The following ASCC3 variants were observed in gnomAD, a reference collection of about 807,000 sequenced individuals.
The protein encoded by ASCC3 is ASC-1 complex subunit P200.
Under a neutral mutation model 256.3 loss-of-function variants are expected in ASCC3, and 158 were observed. The ratio of observed to expected loss-of-function variants is 0.62; its 90% CI spans 0.54 to 0.70. The LOEUF (loss-of-function observed/expected upper bound fraction) is 0.70, where lower values mean the gene tolerates loss of function less well. Ranked by LOEUF, ASCC3 falls within the 30% of genes least tolerant of loss-of-function variation. The pLI is 0.00. For missense variants in ASCC3, 2,259 were observed against 2,626.0 expected, an observed-to-expected ratio of 0.86 and a Z score of 3.05; for synonymous variants, 948 against 883.4, an observed-to-expected ratio of 1.07 and a Z score of -1.30.
At position 100,835,517 on chromosome 6, in the gene ASCC3, T is replaced by C. The variant is rs1002987487; in HGVS notation, c.801+12631A>G. Among the ~76,000 whole-genome samples the C allele has an allele frequency of 2.0e-5, 3 of 152,306 alleles. 1 individual carries two copies. The highest frequency in any genetic ancestry group is 6.8e-3 in the Middle Eastern group (2 of 294). ...TATCCAGCTTTTCCAGCTCCATTTATTGAAGACACTGTCCTTTATCCATTG... is the reference window on the plus strand; with the variant it reads ...TATCCAGCTTTTCCAGCTCCATTTACTGAAGACACTGTCCTTTATCCATTG... On this transcript the variant is annotated intron_variant, in intron 4 of 41. Transcript: ENST00000369162.
intron 8 of ASCC3, among the ~76,000 whole-genome samples, chr6:100,781,002 G>A (rs1179608704): frequency 2.0e-5 from 3 of 152,144 alleles, no homozygotes; most frequent in Admixed American, 6.5e-5. Flanking sequence ...TTTAAAATAT[G>A]ACTACTATGA....
In ASCC3 at chr6:100,627,883, C is replaced by A; in HGVS notation, c.4480G>T (p.Ala1494Ser). ...CAATCAGCAAGGTCTCTGGCATTAG[C>A]TAATGCAGTAGATAGTCCAACTATT... ...VRIVGLSTAL[A>S]NARDLADWLN... Residue 1494 changes from alanine to serine, a missense_variant, in exon 28 of 42, where the codon GCT becomes TCT. Physicochemically the swap from Ala to Ser is moderately conservative, Grantham distance 99 (BLOSUM62 1). This residue lies in a region of ASCC3 where 1,839 missense variants were observed against 2,206.7 expected (regional missense o/e 0.83). Coordinates refer to ENST00000369162, the MANE Select transcript of ASCC3 (RefSeq NM_006828.4). The A allele has an allele frequency of 1.2e-6, 2 of 1,613,648 alleles. No individual in the cohort carries two copies. Among genetic ancestry groups the A allele is most frequent in the South Asian group, 1.1e-5 (1 of 91,068 alleles).
At position 100,525,528 on chromosome 6, in the gene ASCC3, C is replaced by T. The variant is rs577198937; in HGVS notation, c.5776-7386G>A. Among the ~76,000 whole-genome samples the T allele has an allele frequency of 9.2e-5, 14 of 152,030 alleles. No individual in the cohort carries two copies. In the South Asian group the frequency reaches 2.7e-3, roughly 29 times the overall value. ...GAAAACGGCATTAGGGATCATCACA[C>T]ATTGTATACCTGTATCAAAATGTTA... On this transcript the variant is annotated intron_variant, in intron 37 of 41. Transcript: ENST00000369162.
At chr6:100,790,381 T>C (rs1769295703) in intron 8 of ASCC3, among the ~76,000 whole-genome samples, 1 of 151,952 alleles carries the variant, frequency 6.6e-6, no homozygotes, top group Non-Finnish European at 1.5e-5. Flanking sequence ...CCTCTGTGTA[T>C]CCACCATAAC....
chr6:100,630,701 C>A (rs1421909646), intron 26 of ASCC3, among the ~76,000 whole-genome samples: 2 of 151,538 alleles, frequency 1.3e-5, no homozygotes, highest in African/African-American at 2.4e-5. Context: ...ATGAAAAAAA[C>A]CCCACATCAT....
chr6:100,761,738 A>T (rs1405486378), intron 10 of ASCC3, among the ~76,000 whole-genome samples: 1 of 152,182 alleles, frequency 6.6e-6, no homozygotes, highest in African/African-American at 2.4e-5. Context: ...GCCCAAAATC[A>T]GAGCTCAGAG....
At chr6:100,630,749 A>T (rs1042694266) in intron 26 of ASCC3, among the ~76,000 whole-genome samples, 14 of 152,194 alleles carry the variant, frequency 9.2e-5, no homozygotes, top group African/African-American at 3.4e-4. Flanking sequence ...CAAATAATTT[A>T]CATGCAAAAT....
chr6:100,836,691 G>A (rs753799155), intron 4 of ASCC3, among the ~76,000 whole-genome samples: 1 of 152,040 alleles, frequency 6.6e-6, no homozygotes, highest in Non-Finnish European at 1.5e-5. Context: ...AGCAATACTG[G>A]CCTATAGTTT....
At chr6:100,704,776 C>T (rs573445911) in intron 13 of ASCC3, among the ~76,000 whole-genome samples, 2 of 151,912 alleles carry the variant, frequency 1.3e-5, no homozygotes, top group Non-Finnish European at 2.9e-5. Flanking sequence ...CCTTTTATTC[C>T]TTAAAACTGA....
intron 33 of ASCC3, among the ~76,000 whole-genome samples, chr6:100,602,841 G>A (rs1391200299): frequency 6.6e-6 from 1 of 151,922 alleles, no homozygotes; most frequent in African/African-American, 2.4e-5. Flanking sequence ...AAAAAGCTAA[G>A]TAAAACTATA....
intron 10 of ASCC3, among the ~76,000 whole-genome samples, chr6:100,764,397 A>C (rs1391097198): frequency 6.6e-6 from 1 of 152,228 alleles, no homozygotes; most frequent in Non-Finnish European, 1.5e-5. Flanking sequence ...AAACTTACTA[A>C]AAAGCAATGT....
At chr6:100,769,749 G>C in intron 8 of ASCC3, among the ~76,000 whole-genome samples, 1 of 151,760 alleles carries the variant, frequency 6.6e-6, no homozygotes, top group East Asian at 1.9e-4. Flanking sequence ...TATCAAGAGT[G>C]AGAAAAGTGG....
In ASCC3 at chr6:100,877,161, A is replaced by G. The variant is rs75009472; in HGVS notation, c.-42+3900T>C. Among the ~76,000 whole-genome samples the G allele has an allele frequency of 1.6e-3, 249 of 152,262 alleles. 1 individual carries two copies. Among genetic ancestry groups the G allele is most frequent in the African/African-American group, 5.8e-3 (241 of 41,560 alleles). On this transcript the variant is annotated intron_variant, in intron 1 of 41. Transcript: ENST00000369162. ...TTATAAAAATATGAAAAGATCTCCA[A>G]AACAGCCAAACTATATTTCCTAATA...
intron 4 of ASCC3, among the ~76,000 whole-genome samples, chr6:100,829,218 C>T (rs1434890917): frequency 6.6e-6 from 1 of 152,170 alleles, no homozygotes; most frequent in Non-Finnish European, 1.5e-5. Flanking sequence ...GCCAGACCCG[C>T]ACCGTGCACC....
In ASCC3 at chr6:100,767,246, C is replaced by A. The variant is rs1456742774; in HGVS notation, c.1495G>T (p.Ala499Ser). Residue 499 changes from alanine to serine, a missense_variant, in exon 9 of 42, where the codon GCC becomes TCC. This residue lies in a region of ASCC3 where 1,839 missense variants were observed against 2,206.7 expected (regional missense o/e 0.83). Coordinates refer to ENST00000369162, the MANE Select transcript of ASCC3 (RefSeq NM_006828.4). ...YNTNENMLIC[A>S]PTGAGKTNIA... ...TTGGTTTTTCCAGCTCCTGTAGGGG[C>A]ACAAATCAGCATGTTCTCATTGGTG... is the stretch of plus-strand genomic sequence containing the variant. The A allele has an allele frequency of 1.9e-6, 3 of 1,614,012 alleles. No homozygotes were observed. The South Asian group carries it at 3.3e-5, about 18-fold the overall frequency.
At chr6:100,608,174 A>ATGTATATATATC (rs1773077114) in intron 30 of ASCC3, among the ~76,000 whole-genome samples, 3 of 41,836 alleles carry the variant, frequency 7.2e-5, no homozygotes, top group Admixed American at 2.9e-4. Flanking sequence ...ATACATATTT[A>ATGTATATATATC]TATATGTGTG....
At chr6:100,652,963 G>A (rs1775743018) in intron 17 of ASCC3, 74 bp from the exon 18 acceptor site, 5 of 1,420,454 alleles carry the variant, frequency 3.5e-6, no homozygotes, top group Non-Finnish European at 4.9e-6. Flanking sequence ...ATTTATTTAT[G>A]GAAATTAAAA....
intron 12 of ASCC3, 65 bp from the exon 13 acceptor site, chr6:100,715,598 A>C: frequency 7.0e-7 from 1 of 1,437,744 alleles, no homozygotes; most frequent in Non-Finnish European, 9.6e-7. Flanking sequence ...ACTACAAATA[A>C]AATTTTGCCA....
intron 3 of ASCC3, chr6:100,856,463 A>G: frequency 1.1e-6 from 1 of 912,712 alleles, no homozygotes. Flanking sequence ...TAATCTATGT[A>G]ATATAAAAAT....
Sources: allele counts gnomAD v4.1 joint callset (sites outside exome capture counted in the v4.1 genomes callset), GRCh38; gene constraint gnomAD v4.1.1; regional missense constraint gnomAD v4.1.1; transcripts MANE v1.5; gene names NCBI Gene and HGNC (gene_info 2026-07-23, HGNC 2026-07-21).